Variants in BCR observed in about 807,000 individuals in gnomAD.
The protein encoded by BCR is BCR activator of RhoGEF and GTPase, also known as breakpoint cluster region protein.
A neutral mutation model predicts 138.6 loss-of-function variants in BCR; 58 were observed. The ratio of observed to expected loss-of-function variants is 0.42; its 90% CI spans 0.34 to 0.52. The LOEUF is 0.52. Ranked by LOEUF, BCR falls within the 20% of genes least tolerant of loss-of-function variation. BCR has a pLI of 0.06. For missense variants in BCR, 1,599 were observed against 1,727.2 expected (o/e 0.93, Z 1.32); for synonymous variants, 786 against 730.1 (o/e 1.08, Z -1.23).
In BCR at chr22:23,273,670, C is replaced by T. The variant is rs2073536632; in HGVS notation, c.2011C>T (p.His671Tyr). ...LKHTPASHPDHPLLQDALRIS... is the reference protein window; with the variant it reads ...LKHTPASHPDYPLLQDALRIS... The stretch of plus-strand genomic sequence containing the variant: ...GCACACTCCTGCCAGCCACCCTGAC[C>T]ACCCCTTGCTGCAGGACGCCCTCCG... The change falls in exon 8 of 23, where the codon CAC (histidine) becomes TAC (tyrosine). Residue 671 changes from histidine to tyrosine, a missense_variant. By Grantham distance (83) the His-to-Tyr change is moderately conservative. Transcript: ENST00000305877. 6.2e-7 allele frequency: 1 copy of T among 1,614,078 alleles called. No individual in the cohort carries two copies. Among genetic ancestry groups the T allele is most frequent in the Non-Finnish European group, 8.5e-7 (1 of 1,180,040 alleles).
intron 4 of BCR, chr22:23,264,437 A>T (rs1293268057): frequency 1.5e-6 from 1 of 687,324 alleles, no homozygotes; most frequent in Non-Finnish European, 2.7e-6. Context: ...GTGCAGTGAT[A>T]GTTCCTCCCC....
intron 13 of BCR, chr22:23,290,055 C>A: frequency 3.7e-6 from 2 of 545,140 alleles, no homozygotes; most frequent in South Asian, 4.0e-5. Flanking sequence ...CACACACACC[C>A]CACCCACATC....
chr22:23,297,204 G>GTTTTTTTTT (rs1568979500), intron 16 of BCR, among the ~76,000 whole-genome samples: 1 of 124,158 alleles, frequency 8.1e-6, no homozygotes, highest in African/African-American at 3.5e-5. Flanking sequence ...GCCTGGCTAA[G>GTTTTTTTTT]TTGTTTTTTG....
intron 1 of BCR, among the ~76,000 whole-genome samples, chr22:23,233,814 A>AAAAAAAAAAAAAAAAAAG (rs2072989541): frequency 3.5e-5 from 1 of 28,510 alleles, no homozygotes; most frequent in Admixed American, 3.4e-4. Context: ...GAAAAAAAAG[A>AAAAAAAAAAAAAAAAAAG]AAAAAAAAAA....
chr22:23,191,255 A>G (rs2072410191), intron 1 of BCR, among the ~76,000 whole-genome samples: 2 of 152,170 alleles, frequency 1.3e-5, no homozygotes, highest in Non-Finnish European at 2.9e-5. Context: ...TATTAACACA[A>G]CTTTTTCCAT....
rs1666204395 is a variant in BCR at position 23,182,064 on chromosome 22, C to G, written c.1104C>G (p.Arg368=). 6.2e-7 allele frequency: 1 copy of G among 1,613,616 alleles called. No homozygotes were observed. The highest frequency in any genetic ancestry group is 8.5e-7 in the Non-Finnish European group (1 of 1,180,020). The stretch of plus-strand genomic sequence containing the variant: ...ACCGCATGTTCCGGGACAAAAGCCG[C>G]TCTCCCTCGCAGAACTCGCAACAGT... ...TTYRMFRDKS[R]SPSQNSQQSF... The change falls in exon 1 of 23, where the codon CGC becomes CGG. Residue 368 remains arginine (R), a synonymous_variant. Transcript: ENST00000305877.
At chr22:23,290,561 G>T in intron 14 of BCR, 148 bp downstream of exon 14, 1 of 789,260 alleles carries the variant, frequency 1.3e-6, no homozygotes. Flanking sequence ...GAGTGTTTGT[G>T]CTGGTTGATG....
At chr22:23,244,994 G>C (rs1465403639) in intron 1 of BCR, among the ~76,000 whole-genome samples, 1 of 152,170 alleles carries the variant, frequency 6.6e-6, no homozygotes, top group Non-Finnish European at 1.5e-5. Context: ...TCCTGATGGA[G>C]AAGAGAGGGG....
chr22:23,300,407 T>C (rs2073890842), intron 16 of BCR, among the ~76,000 whole-genome samples: 2 of 152,230 alleles, frequency 1.3e-5, no homozygotes, highest in Admixed American at 1.3e-4. Context: ...GAAGGCTGAG[T>C]AATATTCCAT....
At position 23,287,291 on chromosome 22, in the gene BCR, T is replaced by A; in HGVS notation, c.2526+13T>A. ...CCGCAACGGCAAGGTGAGCGCCTGCTGTTCCGGCCCCTCCTGCTCTCCTGG... is the reference window on the plus strand; with the variant it reads ...CCGCAACGGCAAGGTGAGCGCCTGCAGTTCCGGCCCCTCCTGCTCTCCTGG... On this transcript the variant is annotated intron_variant, in intron 11 of 22. Coordinates refer to ENST00000305877, the MANE Select transcript of BCR (RefSeq NM_004327.4). 1 of 1,527,464 alleles carries A rather than the reference T, an allele frequency of 6.5e-7. No homozygotes were observed. The highest frequency in any genetic ancestry group is 8.8e-7 in the Non-Finnish European group (1 of 1,134,736). 94.6% of individuals were successfully genotyped at this position (1,527,464 alleles called of 1,614,324 possible). A position where few individuals can be genotyped will look rare whatever the true frequency, so the allele number is the denominator to read the frequency against.
intron 1 of BCR, among the ~76,000 whole-genome samples, chr22:23,193,788 C>G (rs745719959): frequency 6.6e-6 from 1 of 152,184 alleles, no homozygotes; most frequent in Non-Finnish European, 1.5e-5. Flanking sequence ...TCACAGGGGT[C>G]CCTGTGGAGG....
intron 6 of BCR, among the ~76,000 whole-genome samples, chr22:23,272,488 C>T (rs113722105): frequency 4.6e-5 from 7 of 152,120 alleles, no homozygotes; most frequent in East Asian, 1.9e-4. Context: ...TGGAGAAGCA[C>T]GGGTGGCTGA....
intron 1 of BCR, among the ~76,000 whole-genome samples, chr22:23,203,964 G>T (rs762909286): frequency 6.6e-6 from 1 of 152,184 alleles, no homozygotes; most frequent in Non-Finnish European, 1.5e-5. Context: ...CAGAAGCTGG[G>T]CTGGGACGGG....
intron 10 of BCR, 127 bp downstream of exon 10, chr22:23,285,328 A>G (rs1482234235): frequency 9.8e-7 from 1 of 1,019,936 alleles, no homozygotes; most frequent in African/African-American, 1.6e-5. Context: ...GACCCCTGTA[A>G]GCTCTCAGCT....
chr22:23,251,466 C>G (rs2073227904), intron 1 of BCR, among the ~76,000 whole-genome samples: 2 of 152,154 alleles, frequency 1.3e-5, no homozygotes, highest in African/African-American at 2.4e-5. Context: ...AAGTGGAGAA[C>G]CTGGGAGAGG....
intron 8 of BCR, among the ~76,000 whole-genome samples, chr22:23,275,130 A>C (rs2073560994): frequency 6.6e-6 from 1 of 152,118 alleles, no homozygotes; most frequent in Non-Finnish European, 1.5e-5. Flanking sequence ...TGGTACCCTG[A>C]GTGTCCAGAG....
At chr22:23,245,256 C>G (rs2073142697) in intron 1 of BCR, among the ~76,000 whole-genome samples, 2 of 152,148 alleles carry the variant, frequency 1.3e-5, no homozygotes, top group Admixed American at 6.5e-5. Context: ...CATCAGGGAG[C>G]AGGACAGGCT....
chr22:23,233,428 G>A (rs2072980973), intron 1 of BCR, among the ~76,000 whole-genome samples: 1 of 152,172 alleles, frequency 6.6e-6, no homozygotes, highest in East Asian at 1.9e-4. Context: ...CCCTTCTGTG[G>A]TGTATGTGTA....
At chr22:23,213,296 G>A (rs939069832) in intron 1 of BCR, among the ~76,000 whole-genome samples, 5 of 152,214 alleles carry the variant, frequency 3.3e-5, no homozygotes, top group Admixed American at 1.3e-4. Context: ...GGATGGCAGC[G>A]TTGCTGACTT....
Sources: allele counts gnomAD v4.1 joint callset (sites outside exome capture counted in the v4.1 genomes callset), GRCh38; gene constraint gnomAD v4.1.1; transcripts MANE v1.5; gene names NCBI Gene and HGNC (gene_info 2026-07-23, HGNC 2026-07-21).